The following XPO4 variants were observed in gnomAD, a reference collection of about 807,000 sequenced individuals.
XPO4 encodes exportin 4.
A neutral mutation model predicts 143.0 loss-of-function variants in XPO4; 39 were observed. That is an observed-to-expected ratio of 0.27 (90% CI 0.21 to 0.36). XPO4 has a LOEUF of 0.36. Ranked by LOEUF, XPO4 falls within the 10% of genes least tolerant of loss-of-function variation. The probability of loss-of-function intolerance (pLI) is 1.00; values close to 1 mark genes in which losing one functional copy is unlikely to be tolerated. For missense variants in XPO4, 907 were observed against 1,348.0 expected, an observed-to-expected ratio of 0.67 and a Z score of 5.12; for synonymous variants, 439 against 474.0, an observed-to-expected ratio of 0.93 and a Z score of 0.96.
In XPO4 at chr13:20,846,143, G is replaced by A. The variant is rs17059263; in HGVS notation, c.457-2257C>T. Among the ~76,000 whole-genome samples the A allele has an allele frequency of 9.1e-3, 1,382 of 152,264 alleles. 25 individuals are homozygous for A. Among genetic ancestry groups the A allele is most frequent in the African/African-American group, 0.032 (1,327 of 41,556 alleles). The stretch of plus-strand genomic sequence containing the variant: ...AATAATCTATACTAGTTTTTCACAA[G>A]TAATTTACAGCTTTCCACAGATTGT... On this transcript the variant is annotated intron_variant, in intron 4 of 22. Transcript: ENST00000255305.
At chr13:20,854,299 G>A (rs370673203) in intron 4 of XPO4, among the ~76,000 whole-genome samples, 3 of 152,240 alleles carry the variant, frequency 2.0e-5, no homozygotes, top group African/African-American at 4.8e-5. Context: ...TGAGTTGAGC[G>A]CATAGCTGTG....
intron 3 of XPO4, among the ~76,000 whole-genome samples, chr13:20,856,640 A>G (rs1270704136): frequency 6.6e-6 from 1 of 152,154 alleles, no homozygotes; most frequent in African/African-American, 2.4e-5. Context: ...TGTTGCCCCA[A>G]ATAATTATTA....
chr13:20,778,031 AC>A lies in XPO4; in HGVS notation c.*5690del, dbSNP rs1437663425. On this transcript the variant is annotated 3_prime_UTR_variant, in exon 23 of 23. Transcript: ENST00000255305. ...AATCTGAGACCCTATGTTTAAAAAAACAAAACTGTTTTATAATCTAATCAGC... is the reference window on the plus strand; with the variant it reads ...AATCTGAGACCCTATGTTTAAAAAAAAAAACTGTTTTATAATCTAATCAGC... 1.3e-5 allele frequency: 2 copies of A among 152,216 alleles called. No individual in the cohort carries two copies. Among genetic ancestry groups the A allele is most frequent in the African/African-American group, 2.4e-5 (1 of 41,468 alleles). 9.4% of individuals were successfully genotyped at this position (152,216 alleles called of 1,614,324 possible). A position where few individuals can be genotyped will look rare whatever the true frequency, so the allele number is the denominator to read the frequency against.
In XPO4 at chr13:20,843,016, A is replaced by C. The variant is rs1371198518; in HGVS notation, c.606T>G (p.Thr202=). The C allele has an allele frequency of 1.9e-6, 3 of 1,612,682 alleles. No individual in the cohort carries two copies. The African/African-American group carries it at 4.0e-5, about 22-fold the overall frequency. Residue 202 remains threonine, a synonymous_variant, in exon 6 of 23, where the codon ACT becomes ACG. Coordinates refer to ENST00000255305, the MANE Select transcript of XPO4 (RefSeq NM_022459.5). ...TGCTGAACTCCTGCAGAACTTCAAC[A>C]GTTAACATGAAGATCTGACGAAGGT... ...EEDLRQIFML[T]VEVLQEFSRR...
chr13:20,803,570 C>G lies in XPO4; in HGVS notation c.1818-2580G>C, dbSNP rs956175118. 1.3e-5 allele frequency among the ~76,000 whole-genome samples: 2 copies of G among 152,082 alleles called. No individual in the cohort carries two copies. Among genetic ancestry groups the G allele is most frequent in the African/African-American group, 4.8e-5 (2 of 41,420 alleles). Reference sequence around the variant, plus strand: ...AATGCTTCCTAACTTGCCTTGTCACCCTTTAAATTTATCACCCATGGAATA... The same window carrying G: ...AATGCTTCCTAACTTGCCTTGTCACGCTTTAAATTTATCACCCATGGAATA... On this transcript the variant is annotated intron_variant, in intron 13 of 22. Coordinates refer to ENST00000255305, the MANE Select transcript of XPO4 (RefSeq NM_022459.5). The surrounding 1 kb of genome is among the most constrained non-coding windows in gnomAD (Gnocchi z 4.1).
intron 18 of XPO4, among the ~76,000 whole-genome samples, chr13:20,793,085 C>T (rs1018046055): frequency 5.9e-5 from 9 of 152,192 alleles, no homozygotes; most frequent in South Asian, 4.1e-4. Flanking sequence ...CCACCACACC[C>T]GGCGCAGTTA....
At chr13:20,795,187 A>G (rs1291866902) in intron 18 of XPO4, among the ~76,000 whole-genome samples, 1 of 152,184 alleles carries the variant, frequency 6.6e-6, no homozygotes, top group Admixed American at 6.5e-5. Flanking sequence ...TGCACAACAT[A>G]TAATAGGAGA....
At position 20,783,565 on chromosome 13, in the gene XPO4, CT is replaced by C; in HGVS notation, c.*156del. On this transcript the variant is annotated 3_prime_UTR_variant, in exon 23 of 23. Transcript: ENST00000255305. ...GCAGAAGCTGATGCCAAGTTGACCT[CT>C]CCTGTTTCACTGTATTACATACATA... 2 of 692,062 alleles carry C rather than the reference CT, an allele frequency of 2.9e-6. No individual in the cohort carries two copies. The highest frequency in any genetic ancestry group is 4.9e-6 in the Non-Finnish European group (2 of 405,078). 42.9% of individuals were successfully genotyped at this position (692,062 alleles called of 1,614,324 possible).
At chr13:20,843,923 A>C (rs375098372) in intron 4 of XPO4, 37 bp from the exon 5 acceptor site, 8 of 1,465,320 alleles carry the variant, frequency 5.5e-6, no homozygotes, top group Non-Finnish European at 7.6e-6. Flanking sequence ...GTGAGGCATT[A>C]CTGTTTCAAC....
At chr13:20,844,141 G>C (rs1328231070) in intron 4 of XPO4, among the ~76,000 whole-genome samples, 1 of 152,056 alleles carries the variant, frequency 6.6e-6, no homozygotes, top group Admixed American at 6.6e-5. Context: ...CTTGAACTCA[G>C]GACACACTGT....
chr13:20,783,967 A>G (rs1356013426), intron 22 of XPO4, 48 bp from the exon 23 acceptor site: 1 of 1,577,910 alleles, frequency 6.3e-7, no homozygotes, highest in Non-Finnish European at 8.7e-7. Context: ...AGAATATCAT[A>G]CAAGTAGATC....
intron 1 of XPO4, among the ~76,000 whole-genome samples, chr13:20,886,799 C>T (rs1052986659): frequency 2.6e-5 from 4 of 151,226 alleles, no homozygotes; most frequent in East Asian, 2.0e-4. Flanking sequence ...CAGGGCTGGG[C>T]GTGTTAGCTC....
rs554334023 is a variant in XPO4, at chr13:20,881,514, C to T, written c.70-12813G>A. On this transcript the variant is annotated intron_variant, in intron 1 of 22. Coordinates refer to ENST00000255305, the MANE Select transcript of XPO4 (RefSeq NM_022459.5). The stretch of plus-strand genomic sequence containing the variant: ...CTCGATCTCCTGACCTCATGATCCC[C>T]CCGCCTCAGCCTCCCAAAGTGCTGG... Among the ~76,000 whole-genome samples, 105 of 152,192 alleles carry T rather than the reference C, an allele frequency of 6.9e-4. 1 individual carries two copies. The highest frequency in any genetic ancestry group is 1.4e-3 in the Non-Finnish European group (92 of 68,008).
intron 9 of XPO4, among the ~76,000 whole-genome samples, chr13:20,813,156 G>A (rs1458979678): frequency 6.6e-6 from 1 of 152,072 alleles, no homozygotes; most frequent in Admixed American, 6.5e-5. Flanking sequence ...AGAACAGCAT[G>A]CGGGAAACCA....
chr13:20,851,258 T>C (rs1790672654), intron 4 of XPO4: 1 of 985,310 alleles, frequency 1.0e-6, no homozygotes, highest in Admixed American at 6.1e-5. Flanking sequence ...ATAGGGACAG[T>C]GTATGCATTT....
chr13:20,815,431 C>A (rs1007850064), intron 9 of XPO4, among the ~76,000 whole-genome samples: 1 of 151,962 alleles, frequency 6.6e-6, no homozygotes. Context: ...GTATTTTCAC[C>A]CAATTTTTGC....
chr13:20,840,217 A>AT (rs983836755), intron 6 of XPO4, among the ~76,000 whole-genome samples: 1 of 151,374 alleles, frequency 6.6e-6, no homozygotes, highest in Non-Finnish European at 1.5e-5. Context: ...ATTTTATTTT[A>AT]TTTTTATTTT....
intron 7 of XPO4, among the ~76,000 whole-genome samples, chr13:20,826,156 C>T (rs924029279): frequency 6.6e-6 from 1 of 152,210 alleles, no homozygotes; most frequent in South Asian, 2.1e-4. Flanking sequence ...CATAAACACA[C>T]ACATATGAAT....
chr13:20,797,821 T>C (rs1192009540), intron 16 of XPO4, among the ~76,000 whole-genome samples: 4 of 152,146 alleles, frequency 2.6e-5, no homozygotes, highest in East Asian at 3.9e-4. Flanking sequence ...AAAACTCATA[T>C]GTGGAAATCC....
Sources: gnomAD v4.1 joint callset for allele counts (sites outside exome capture counted in the v4.1 genomes callset) on GRCh38, gnomAD v4.1.1 for gene constraint, Gnocchi (gnomAD v3.1) non-coding constraint, MANE v1.5 for transcripts, NCBI Gene and HGNC (gene_info 2026-07-23, HGNC 2026-07-21) for gene names.